Variants in GCHFR observed in about 807,000 individuals in gnomAD.
GCHFR encodes the protein GTP cyclohydrolase I feedback regulator, also known as GTP cyclohydrolase 1 feedback regulatory protein.
Under a neutral mutation model 10.6 loss-of-function variants are expected in GCHFR, and 12 were observed. The observed-to-expected ratio is 1.13, with a 90% confidence interval of 0.72 to 1.83. The LOEUF is 1.83. Among genes scored for constraint, GCHFR ranks in the 40% most tolerant of loss-of-function variants. GCHFR has a pLI of 0.00. For synonymous variants in GCHFR, 54 were observed against 43.7 expected, an observed-to-expected ratio of 1.24 and a Z score of -0.93; for missense variants, 116 against 110.6, an observed-to-expected ratio of 1.05 and a Z score of -0.22.
Position 40,764,099 on chromosome 15 carries a change from G to A in GCHFR, c.-82G>A, listed in dbSNP as rs1888895824. On this transcript the variant is annotated 5_prime_UTR_variant, in exon 1 of 3. Coordinates refer to ENST00000260447, the MANE Select transcript of GCHFR (RefSeq NM_005258.3). Reference sequence around the variant, plus strand: ...GGAGTAACGGGACTCCCAGCTGCGCGTCGCAGTCCCGACGCGAGAAGGGCT... The same window carrying A: ...GGAGTAACGGGACTCCCAGCTGCGCATCGCAGTCCCGACGCGAGAAGGGCT... The A allele has an allele frequency of 7.5e-7, 1 of 1,337,802 alleles. No homozygotes were observed. Among genetic ancestry groups the A allele is most frequent in the Non-Finnish European group, 1.0e-6 (1 of 983,718 alleles). The allele number at this position is 1,337,802 out of a possible 1,614,324, so 82.9% of individuals were successfully genotyped here.
At chr15:40,767,184 C>CT (rs1888967159) in intron 2 of GCHFR, 42 bp from the exon 3 acceptor site, 1 of 1,452,562 alleles carries the variant, frequency 6.9e-7, no homozygotes, top group South Asian at 1.5e-5. Flanking sequence ...CAGGAGCTTG[C>CT]TGTGTGCCCC....
chr15:40,765,768 C>A, intron 1 of GCHFR, 59 bp from the exon 2 acceptor site: 1 of 819,768 alleles, frequency 1.2e-6, no homozygotes, highest in South Asian at 1.8e-5. Flanking sequence ...GAAGGACAGG[C>A]AAGACCTTCC....
intron 1 of GCHFR, chr15:40,764,480 C>A: frequency 2.2e-6 from 1 of 459,876 alleles, no homozygotes; most frequent in Non-Finnish European, 3.9e-6. Context: ...GACCTCCGGG[C>A]GCTTCCGGCT....
intron 2 of GCHFR, chr15:40,766,541 G>A (rs1888954945): frequency 6.6e-6 from 1 of 152,278 alleles, no homozygotes; most frequent in Non-Finnish European, 1.5e-5. Flanking sequence ...CAGCCCCTGG[G>A]TCAAGGCTCG....
intron 2 of GCHFR, chr15:40,766,127 T>C (rs1888943558): frequency 2.4e-6 from 1 of 411,292 alleles, no homozygotes; most frequent in African/African-American, 2.0e-5. Context: ...CTCTGAAAGC[T>C]TTCCACATCC....
chr15:40,765,476 A>C (rs1223709642), intron 1 of GCHFR: 1 of 172,904 alleles, frequency 5.8e-6, no homozygotes, highest in African/African-American at 2.4e-5. Context: ...TCACTCTGTC[A>C]CCCAGGCTGG....
rs776648870 is a variant in GCHFR at position 40,767,694 on chromosome 15, G to A, written c.*345G>A. On this transcript the variant is annotated 3_prime_UTR_variant, in exon 3 of 3. Coordinates refer to ENST00000260447, the MANE Select transcript of GCHFR (RefSeq NM_005258.3). ...TGCATAGCTAGCCCAAGCCAATAAA[G>A]GGCTGTGATGAGTGGCTGCGCCTGT... The A allele has an allele frequency of 1.8e-5, 11 of 621,534 alleles. No individual in the cohort carries two copies. Among genetic ancestry groups the A allele is most frequent in the Non-Finnish European group, 2.7e-5 (10 of 373,752 alleles). 38.5% of individuals were successfully genotyped at this position (621,534 alleles called of 1,614,324 possible).
chr15:40,767,119 G>T, intron 2 of GCHFR, 107 bp from the exon 3 acceptor site: 1 of 1,207,512 alleles, frequency 8.3e-7, no homozygotes. Context: ...CAGCCAGCAA[G>T]TGTGAGTCAC....
chr15:40,767,059 C>T (rs1037205317), intron 2 of GCHFR, 167 bp from the exon 3 acceptor site: 2 of 548,188 alleles, frequency 3.6e-6, no homozygotes, highest in African/African-American at 1.9e-5. Context: ...CGTGAAGTAC[C>T]TAGAAGGGGA....
Position 40,767,374 on chromosome 15 carries a change from G to C in GCHFR, c.*25G>C. On this transcript the variant is annotated 3_prime_UTR_variant, in exon 3 of 3. Transcript: ENST00000260447. Reference sequence around the variant, plus strand: ...ACCTTCTCATGCTGATTTGCAGACGGGGCACCCCTGTGGAGGGGCTGCTGT... The same window carrying C: ...ACCTTCTCATGCTGATTTGCAGACGCGGCACCCCTGTGGAGGGGCTGCTGT... The C allele has an allele frequency of 6.3e-7, 1 of 1,585,668 alleles. No individual in the cohort carries two copies. Among genetic ancestry groups the C allele is most frequent in the East Asian group, 2.4e-5 (1 of 42,398 alleles).
At chr15:40,766,025 GC>G in intron 2 of GCHFR, 104 bp downstream of exon 2, 2 of 513,686 alleles carry the variant, frequency 3.9e-6, no homozygotes, top group East Asian at 6.9e-5. Flanking sequence ...CAGCATCAGA[GC>G]CCCCTGCCTG....
chr15:40,764,413 G>T (rs1888903409), intron 1 of GCHFR, 197 bp downstream of exon 1: 1 of 501,706 alleles, frequency 2.0e-6, no homozygotes, highest in Non-Finnish European at 3.5e-6. Context: ...GCTCTGGCCG[G>T]CCTGAAGCCT....
Position 40,765,855 on chromosome 15 carries a change from A to G in GCHFR, c.65A>G (p.Glu22Gly). 6.3e-7 allele frequency: 1 copy of G among 1,584,260 alleles called. No homozygotes were observed. Among genetic ancestry groups the G allele is most frequent in the Non-Finnish European group, 8.6e-7 (1 of 1,160,566 alleles). ...GTGGGCCCCACTATGGTGGGCGATGAACAGTCGGATCCAGAGCTGATGCAG... is the reference window on the plus strand; with the variant it reads ...GTGGGCCCCACTATGGTGGGCGATGGACAGTCGGATCCAGAGCTGATGCAG... The part of the protein sequence containing the change: ...MEVGPTMVGD[E>G]QSDPELMQHL... Residue 22 changes from glutamate (E) to glycine (G), a missense_variant, in exon 2 of 3, where the codon GAA (glutamate) becomes GGA (glycine). Glu to Gly is a moderately conservative substitution (Grantham distance 98). Transcript: ENST00000260447.
rs1596068647 is a variant in GCHFR, at chr15:40,767,458, A to G, written c.*109A>G. On this transcript the variant is annotated 3_prime_UTR_variant, in exon 3 of 3. Coordinates refer to ENST00000260447, the MANE Select transcript of GCHFR (RefSeq NM_005258.3). The stretch of plus-strand genomic sequence containing the variant: ...TGCCTTGCTCCTCTCTTCCCAAATC[A>G]TCACCGCCATGGGCCCAGCCCCAAA... The G allele has an allele frequency of 3.2e-6, 4 of 1,261,634 alleles. No homozygotes were observed. In the East Asian group the frequency reaches 8.2e-5, roughly 26 times the overall value. The allele number at this position is 1,261,634 out of a possible 1,614,324, so 78.2% of individuals were successfully genotyped here.
chr15:40,764,828 C>T (rs1380444441), intron 1 of GCHFR, among the ~76,000 whole-genome samples: 2 of 152,232 alleles, frequency 1.3e-5, no homozygotes, highest in Non-Finnish European at 2.9e-5. Flanking sequence ...AGTCACGTTC[C>T]TTTCTCTGGG....
chr15:40,765,879 A>C lies in GCHFR; in HGVS notation c.89A>C (p.Gln30Pro). Residue 30 changes from glutamine (Q) to proline (P), a missense_variant, in exon 2 of 3, where the codon CAG becomes CCG. Coordinates refer to ENST00000260447, the MANE Select transcript of GCHFR (RefSeq NM_005258.3). ...GAACAGTCGGATCCAGAGCTGATGC[A>C]GCATCTGGGGGCTTCAAAGAGAAGA... ...GDEQSDPELMQHLGASKRRAL... is the reference protein window; with the variant it reads ...GDEQSDPELMPHLGASKRRAL... 1 of 1,584,920 alleles carries C rather than the reference A, an allele frequency of 6.3e-7. No homozygotes were observed. Among genetic ancestry groups the C allele is most frequent in the Non-Finnish European group, 8.6e-7 (1 of 1,160,738 alleles).
intron 2 of GCHFR, 69 bp from the exon 3 acceptor site, chr15:40,767,157 A>C: frequency 2.1e-6 from 3 of 1,411,522 alleles, no homozygotes; most frequent in Non-Finnish European, 2.8e-6. Flanking sequence ...TGCCTGCTGC[A>C]GACACTAGCT....
rs1382794180 is a variant in GCHFR, at chr15:40,767,613, C to T, written c.*264C>T. The T allele has an allele frequency of 5.2e-6, 3 of 582,100 alleles. No homozygotes were observed. Among genetic ancestry groups the T allele is most frequent in the Non-Finnish European group, 8.7e-6 (3 of 344,366 alleles). The allele number at this position is 582,100 out of a possible 1,614,324, so 36.1% of individuals were successfully genotyped here. The stretch of plus-strand genomic sequence containing the variant: ...AGGGCCTTGTGTAGGCCATGTTCCT[C>T]GGGCAGCTGCCCCGGGCCGGAGCTG... On this transcript the variant is annotated 3_prime_UTR_variant, in exon 3 of 3. Coordinates refer to ENST00000260447, the MANE Select transcript of GCHFR (RefSeq NM_005258.3).
rs1260235427 is a variant in GCHFR, at chr15:40,764,137, C to T, written c.-44C>T. ...CGCGAGAAGGGCTGGAGTCGGCGTC[C>T]AGCCTAGAGCCCCCGGTGGGAGCCA... On this transcript the variant is annotated 5_prime_UTR_variant, in exon 1 of 3. Transcript: ENST00000260447. 1.3e-6 allele frequency: 2 copies of T among 1,528,496 alleles called. No homozygotes were observed. The highest frequency in any genetic ancestry group is 1.8e-6 in the Non-Finnish European group (2 of 1,137,474). 94.7% of individuals were successfully genotyped at this position (1,528,496 alleles called of 1,614,324 possible). A position where few individuals can be genotyped will look rare whatever the true frequency, so the allele number is the denominator to read the frequency against.
Sources: gnomAD v4.1 joint callset for allele counts (sites outside exome capture counted in the v4.1 genomes callset) on GRCh38, gnomAD v4.1.1 for gene constraint, MANE v1.5 for transcripts, NCBI Gene and HGNC (gene_info 2026-07-23, HGNC 2026-07-21) for gene names.